Variants in MAP7 observed in about 807,000 individuals in gnomAD.
The protein encoded by MAP7 is ensconsin.
MAP7 carries 52 observed loss-of-function variants against 94.8 expected under a neutral mutation model. The ratio of observed to expected loss-of-function variants is 0.55; its 90% CI spans 0.44 to 0.69. The LOEUF is 0.69. MAP7 is among the 30% of genes least tolerant of loss of function. MAP7 has a pLI of 0.00. For missense variants in MAP7, 940 were observed against 964.6 expected, an observed-to-expected ratio of 0.97 and a Z score of 0.34; for synonymous variants, 350 against 357.0, an observed-to-expected ratio of 0.98 and a Z score of 0.22.
At chr6:136,376,765 G>T (rs973852201) in intron 7 of MAP7, among the ~76,000 whole-genome samples, 1 of 152,214 alleles carries the variant, frequency 6.6e-6, no homozygotes, top group East Asian at 1.9e-4. Flanking sequence ...GCTTGCCTTC[G>T]TGACTGTCTC....
chr6:136,456,770 A>AG (rs1464535719), intron 1 of MAP7, among the ~76,000 whole-genome samples: 77 of 49,368 alleles, frequency 1.6e-3, no homozygotes, highest in African/African-American at 5.2e-3. Context: ...AGGAGGAGGA[A>AG]GAAGAAGAAG....
At chr6:136,543,740 A>G (rs1199511922) in intron 1 of MAP7, among the ~76,000 whole-genome samples, 1 of 152,224 alleles carries the variant, frequency 6.6e-6, no homozygotes, top group East Asian at 1.9e-4. Context: ...GATGGTAAAC[A>G]GATCAGTGGT....
intron 5 of MAP7, among the ~76,000 whole-genome samples, chr6:136,384,114 C>T (rs1401978159): frequency 1.3e-5 from 2 of 152,072 alleles, no homozygotes; most frequent in African/African-American, 2.4e-5. Flanking sequence ...ACCATAAAAG[C>T]GAATGCCTTT....
In MAP7 at chr6:136,424,715, A is replaced by G. The variant is rs1219960378; in HGVS notation, c.68-2916T>C. 2.6e-5 allele frequency among the ~76,000 whole-genome samples: 4 copies of G among 152,330 alleles called. No individual in the cohort carries two copies. In the East Asian group the frequency reaches 7.7e-4, roughly 29 times the overall value. Reference sequence around the variant, plus strand: ...TTTCTACTTCTGGCTGTATGGTCCAATACAGTCTTCTCTCAACTGTTCAGA... The same window carrying G: ...TTTCTACTTCTGGCTGTATGGTCCAGTACAGTCTTCTCTCAACTGTTCAGA... On this transcript the variant is annotated intron_variant, in intron 1 of 17. Coordinates refer to ENST00000354570, the MANE Select transcript of MAP7 (RefSeq NM_003980.6).
intron 3 of MAP7, among the ~76,000 whole-genome samples, chr6:136,403,080 G>A (rs75408723): frequency 6.6e-6 from 1 of 152,094 alleles, no homozygotes; most frequent in Non-Finnish European, 1.5e-5. Flanking sequence ...TTAACCCTAA[G>A]TACTTTCACT....
At chr6:136,406,298 C>T (rs563283581) in intron 3 of MAP7, among the ~76,000 whole-genome samples, 6 of 152,220 alleles carry the variant, frequency 3.9e-5, no homozygotes, top group African/African-American at 1.4e-4. Context: ...TAACCACTGT[C>T]GAATGGGAGT....
intron 1 of MAP7, among the ~76,000 whole-genome samples, chr6:136,456,575 G>A (rs1004166185): frequency 1.3e-5 from 2 of 151,830 alleles, no homozygotes; most frequent in African/African-American, 4.8e-5. Flanking sequence ...GGAAGGCTGA[G>A]GTGGAAGGAT....
In MAP7 at chr6:136,389,403, C is replaced by T; in HGVS notation, c.359G>A (p.Arg120Lys). Residue 120 changes from arginine to lysine, a missense_variant, in exon 4 of 18, where the codon AGG (arginine) becomes AAG (lysine). Transcript: ENST00000354570. ...LEEQRQKEER[R>K]RAAVEEKRRQ... ...CCGCTTCTCCTCCACAGCAGCCCTC[C>T]TCCGCTCCTCCTTCTGCCTCTGCTC... 2 of 1,586,914 alleles carry T rather than the reference C, an allele frequency of 1.3e-6. No individual in the cohort carries two copies. Among genetic ancestry groups the T allele is most frequent in the Admixed American group, 1.8e-5 (1 of 54,318 alleles).
chr6:136,502,571 T>C (rs756573527), intron 1 of MAP7, among the ~76,000 whole-genome samples: 22 of 152,306 alleles, frequency 1.4e-4, no homozygotes, highest in Middle Eastern at 3.4e-3. Flanking sequence ...AGGATGAATG[T>C]GGCATTCCTG....
intron 3 of MAP7, among the ~76,000 whole-genome samples, chr6:136,400,954 TA>T (rs202136572): frequency 2.8e-3 from 431 of 152,336 alleles, no homozygotes; most frequent in African/African-American, 8.9e-3. Context: ...CCAAATGGTC[TA>T]TAAAGTTAGT....
In MAP7 at chr6:136,343,352, T is replaced by C. The variant is rs1353229091; in HGVS notation, c.*876A>G. ...AAATCTTTATTTTCCCCAACATAAT[T>C]TGTGATCAGGTAAGGCAAAGATAAG... On this transcript the variant is annotated 3_prime_UTR_variant, in exon 18 of 18. Coordinates refer to ENST00000354570, the MANE Select transcript of MAP7 (RefSeq NM_003980.6). 1 of 152,598 alleles carries C rather than the reference T, an allele frequency of 6.6e-6. No individual in the cohort carries two copies. The highest frequency in any genetic ancestry group is 2.4e-5 in the African/African-American group (1 of 41,440). 9.5% of individuals were successfully genotyped at this position (152,598 alleles called of 1,614,324 possible).
At chr6:136,412,109 C>T (rs1415448530) in intron 2 of MAP7, among the ~76,000 whole-genome samples, 1 of 152,208 alleles carries the variant, frequency 6.6e-6, no homozygotes, top group African/African-American at 2.4e-5. Context: ...TCGAGTCAAA[C>T]AGACACGCAT....
intron 3 of MAP7, among the ~76,000 whole-genome samples, chr6:136,406,300 A>AGTCAACATAGCACCTATGC (rs1785582463): frequency 6.6e-6 from 1 of 152,188 alleles, no homozygotes; most frequent in African/African-American, 2.4e-5. Context: ...ACCACTGTCG[A>AGTCAACATAGCACCTATGC]ATGGGAGTCA....
At chr6:136,385,606 C>A (rs1048823178) in intron 5 of MAP7, among the ~76,000 whole-genome samples, 6 of 152,026 alleles carry the variant, frequency 3.9e-5, no homozygotes, top group Non-Finnish European at 5.9e-5. Context: ...ATCCTTGTAT[C>A]CTAAAAAGTA....
intron 1 of MAP7, among the ~76,000 whole-genome samples, chr6:136,494,970 C>T (rs188946367): frequency 1.8e-4 from 27 of 152,236 alleles, no homozygotes; most frequent in African/African-American, 6.0e-4. Context: ...GACAGCGTGA[C>T]ACCTCATTTT....
chr6:136,491,043 G>A (rs1015094475), intron 1 of MAP7, among the ~76,000 whole-genome samples: 1 of 152,166 alleles, frequency 6.6e-6, no homozygotes, highest in African/African-American at 2.4e-5. Context: ...TGAAGTCCTA[G>A]AATCCATCTC....
chr6:136,477,647 A>C (rs770045238), intron 1 of MAP7, among the ~76,000 whole-genome samples: 1 of 152,250 alleles, frequency 6.6e-6, no homozygotes, highest in East Asian at 1.9e-4. Flanking sequence ...CCAATACTGG[A>C]GCACTCAGAA....
At chr6:136,385,893 C>A (rs971514144) in intron 5 of MAP7, among the ~76,000 whole-genome samples, 5 of 152,236 alleles carry the variant, frequency 3.3e-5, no homozygotes, top group Non-Finnish European at 4.4e-5. Flanking sequence ...GCCTCAACCT[C>A]CTGAATAGCT....
chr6:136,538,356 A>G (rs532189876), intron 1 of MAP7, among the ~76,000 whole-genome samples: 165 of 152,198 alleles, frequency 1.1e-3, no homozygotes, highest in Middle Eastern at 6.8e-3. Flanking sequence ...TGTTTCCTCT[A>G]TTTTCCTGGT....
Sources: gnomAD v4.1 joint callset for allele counts (sites outside exome capture counted in the v4.1 genomes callset) on GRCh38, gnomAD v4.1.1 for gene constraint, MANE v1.5 for transcripts, NCBI Gene and HGNC (gene_info 2026-07-23, HGNC 2026-07-21) for gene names.